CDC5L: variants seen among roughly 807,000 people sequenced by gnomAD.
CDC5L encodes cell division cycle 5-like protein.
Under a neutral mutation model 104.1 loss-of-function variants are expected in CDC5L, and 18 were observed. The ratio of observed to expected loss-of-function variants is 0.17; its 90% CI spans 0.12 to 0.26. CDC5L has a LOEUF of 0.26. Among genes scored for constraint, CDC5L ranks in the 10% least tolerant of loss-of-function variants. The pLI is 1.00. For missense variants in CDC5L, 673 were observed against 956.9 expected (o/e 0.70, Z 3.91); for synonymous variants, 331 against 322.7 (o/e 1.03, Z -0.28).
At chr6:44,403,080 C>G (rs1791202978) in intron 5 of CDC5L, among the ~76,000 whole-genome samples, 1 of 152,182 alleles carries the variant, frequency 6.6e-6, no homozygotes, top group Admixed American at 6.5e-5. Flanking sequence ...GTATTTCTAA[C>G]TTCTCTTTGG....
chr6:44,446,012 C>T (rs1324693484), intron 15 of CDC5L, 145 bp downstream of exon 15: 3 of 662,508 alleles, frequency 4.5e-6, no homozygotes, highest in Non-Finnish European at 5.1e-6. Flanking sequence ...GTTTGACTTT[C>T]TAATCTAGAA....
chr6:44,442,083 C>T (rs988428425), intron 14 of CDC5L, among the ~76,000 whole-genome samples: 2 of 151,648 alleles, frequency 1.3e-5, no homozygotes, highest in African/African-American at 2.4e-5. Flanking sequence ...ACTACAGGCG[C>T]CCGCTACCAT....
At position 44,422,753 on chromosome 6, in the gene CDC5L, A is replaced by G. The variant is rs1173226572; in HGVS notation, c.1348A>G (p.Ile450Val). The G allele has an allele frequency of 6.2e-7, 1 of 1,613,200 alleles. No individual in the cohort carries two copies. The highest frequency in any genetic ancestry group is 8.5e-7 in the Non-Finnish European group (1 of 1,179,260). Residue 450 changes from isoleucine to valine, a missense_variant, in exon 10 of 16, where the codon ATT (isoleucine) becomes GTT (valine). Physicochemically the swap from Ile to Val is conservative, Grantham distance 29. Coordinates refer to ENST00000371477, the MANE Select transcript of CDC5L (RefSeq NM_001253.4). Reference sequence around the variant, plus strand: ...AACTCCTCTTCGAGACAAGTTAAACATTAATCCCGAGGATGGAATGGCAGA... The same window carrying G: ...AACTCCTCTTCGAGACAAGTTAAACGTTAATCCCGAGGATGGAATGGCAGA... The part of the protein sequence containing the change: ...GRTPLRDKLN[I>V]NPEDGMADYS...
rs202133434 is a variant in CDC5L at position 44,403,914 on chromosome 6, A to G, written c.645A>G (p.Pro215=). ...GAGTTGATTATAATGCCGAAATCCCATTTGAAAAAAAGCCTGCCCTTGGTT... is the reference window on the plus strand; with the variant it reads ...GAGTTGATTATAATGCCGAAATCCCGTTTGAAAAAAAGCCTGCCCTTGGTT... ...KRGVDYNAEI[P]FEKKPALGFY... The change falls in exon 6 of 16, where the codon CCA becomes CCG. Residue 215 remains proline (P), a synonymous_variant. Transcript: ENST00000371477. 2 of 1,613,642 alleles carry G rather than the reference A, an allele frequency of 1.2e-6. No homozygotes were observed. The highest frequency in any genetic ancestry group is 1.7e-4 in the Middle Eastern group (1 of 6,058).
chr6:44,409,610 G>A (rs1407326752), intron 8 of CDC5L, among the ~76,000 whole-genome samples: 1 of 152,220 alleles, frequency 6.6e-6, no homozygotes, highest in Non-Finnish European at 1.5e-5. Flanking sequence ...CAGTTGCTAA[G>A]TTTTTTGACT....
intron 11 of CDC5L, among the ~76,000 whole-genome samples, chr6:44,425,022 C>T (rs887398344): frequency 5.3e-5 from 8 of 151,948 alleles, no homozygotes; most frequent in African/African-American, 1.5e-4. Context: ...GAATCCAGTC[C>T]GGGGAACATA....
chr6:44,402,823 C>G (rs574514037), intron 5 of CDC5L, among the ~76,000 whole-genome samples: 1 of 152,118 alleles, frequency 6.6e-6, no homozygotes, highest in Non-Finnish European at 1.5e-5. Context: ...GGGCCTCTTT[C>G]CATATCAGAG....
chr6:44,428,969 T>C (rs2153382173), intron 13 of CDC5L, among the ~76,000 whole-genome samples: 1 of 151,188 alleles, frequency 6.6e-6, no homozygotes, highest in East Asian at 1.9e-4. Context: ...ACTAACGATG[T>C]GGTCTTAACA....
At position 44,419,600 on chromosome 6, in the gene CDC5L, A is replaced by C; in HGVS notation, c.1241+3A>C. On this transcript the variant is annotated splice_donor_region_variant and intron_variant, in intron 9 of 15. Transcript: ENST00000371477. The stretch of plus-strand genomic sequence containing the variant: ...ACAGTTCTCTCTACTCCATTCAGGT[A>C]TTGTAAATGAACACGTTTTTATTTT... The C allele has an allele frequency of 6.2e-7, 1 of 1,608,800 alleles. No individual in the cohort carries two copies. Among genetic ancestry groups the C allele is most frequent in the Non-Finnish European group, 8.5e-7 (1 of 1,176,138 alleles).
rs774279335 is a variant in CDC5L, at chr6:44,392,834, T to A, written c.311+6T>A. ...GAACACTATGAATTTCTTCTGTAAG[T>A]GAGTCTTCAGAAAGAGCATAGAATA... On this transcript the variant is annotated splice_donor_region_variant and intron_variant, in intron 3 of 15. Coordinates refer to ENST00000371477, the MANE Select transcript of CDC5L (RefSeq NM_001253.4). The A allele has an allele frequency of 3.7e-6, 6 of 1,611,214 alleles. No homozygotes were observed. The East Asian group carries it at 1.1e-4, about 30-fold the overall frequency.
chr6:44,387,962 T>A, intron 1 of CDC5L, 94 bp downstream of exon 1: 1 of 1,221,422 alleles, frequency 8.2e-7, no homozygotes, highest in Non-Finnish European at 1.2e-6. Context: ...GAGGAGACCC[T>A]GTGGGGTCTG....
At position 44,419,080 on chromosome 6, in the gene CDC5L, A is replaced by G. The variant is rs894094944; in HGVS notation, c.1093-369A>G. Among the ~76,000 whole-genome samples, 21 of 152,182 alleles carry G rather than the reference A, an allele frequency of 1.4e-4. 1 individual carries two copies. In the South Asian group the frequency reaches 3.1e-3, roughly 23 times the overall value. On this transcript the variant is annotated intron_variant, in intron 8 of 15. Transcript: ENST00000371477. ...AGACATGAAGTCCTTGCCCATGCCT[A>G]TGTCCTGAATGGTATTGCCTAGGTT... is the stretch of plus-strand genomic sequence containing the variant.
At chr6:44,412,297 C>T (rs1246684759) in intron 8 of CDC5L, among the ~76,000 whole-genome samples, 1 of 98,002 alleles carries the variant, frequency 1.0e-5, no homozygotes. Context: ...ATAGGAATAA[C>T]CTGTCCCCCA....
chr6:44,402,513 T>C (rs1320779123), intron 5 of CDC5L, among the ~76,000 whole-genome samples: 2 of 152,232 alleles, frequency 1.3e-5, no homozygotes, highest in African/African-American at 4.8e-5. Flanking sequence ...GAGTTCCTCA[T>C]GCTGTCATGC....
intron 8 of CDC5L, among the ~76,000 whole-genome samples, chr6:44,412,722 A>T (rs1441759109): frequency 6.8e-6 from 1 of 147,804 alleles, no homozygotes; most frequent in African/African-American, 2.5e-5. Context: ...GAATTCACCC[A>T]TTTTTACTGT....
Position 44,396,342 on chromosome 6 carries a change from T to A in CDC5L, c.441T>A (p.Asp147Glu). 6.2e-7 allele frequency: 1 copy of A among 1,601,294 alleles called. No homozygotes were observed. Among genetic ancestry groups the A allele is most frequent in the South Asian group, 1.1e-5 (1 of 88,792 alleles). The change falls in exon 5 of 16, where the codon GAT (aspartate) becomes GAA (glutamate). Residue 147 changes from aspartate to glutamate, a missense_variant and splice_region_variant. By Grantham distance (45) the Asp-to-Glu change is conservative (BLOSUM62 2). Transcript: ENST00000371477. ...ARPDPIDMDE[D>E]ELEMLSEARA... is the part of the protein sequence containing the mutation. Reference sequence around the variant, plus strand: ...TTTTTCTTCTTTTAATTTTTGCAGATGAACTTGAGATGCTTTCTGAAGCCA... The same window carrying A: ...TTTTTCTTCTTTTAATTTTTGCAGAAGAACTTGAGATGCTTTCTGAAGCCA...
rs764656920 is a variant in CDC5L at position 44,419,511 on chromosome 6, C to T, written c.1155C>T (p.Thr385=). ...CCCCATTGAAAGGTGGACTTAATAC[C>T]CCATTGCATGAGAGTGACTTCTCAG... The part of the protein sequence containing the change: ...VDTPLKGGLN[T]PLHESDFSGV... Residue 385 remains threonine, a synonymous_variant, in exon 9 of 16, where the codon ACC becomes ACT. Coordinates refer to ENST00000371477, the MANE Select transcript of CDC5L (RefSeq NM_001253.4). 11 of 1,613,654 alleles carry T rather than the reference C, an allele frequency of 6.8e-6. No individual in the cohort carries two copies. Among genetic ancestry groups the T allele is most frequent in the Middle Eastern group, 1.6e-4 (1 of 6,084 alleles).
At chr6:44,412,684 A>G (rs1441817587) in intron 8 of CDC5L, among the ~76,000 whole-genome samples, 1 of 151,976 alleles carries the variant, frequency 6.6e-6, no homozygotes, top group Non-Finnish European at 1.5e-5. Flanking sequence ...TGGTTTTTAA[A>G]CAGTTTTATT....
chr6:44,411,667 A>G (rs895366266), intron 8 of CDC5L, among the ~76,000 whole-genome samples: 1 of 27,822 alleles, frequency 3.6e-5, no homozygotes, highest in Non-Finnish European at 7.6e-5. Context: ...TAAAAATCCT[A>G]TAGACTTTGT....
Sources: gnomAD v4.1 joint callset for allele counts (sites outside exome capture counted in the v4.1 genomes callset) on GRCh38, gnomAD v4.1.1 for gene constraint, MANE v1.5 for transcripts, NCBI Gene and HGNC (gene_info 2026-07-23, HGNC 2026-07-21) for gene names.